The following TRABD2A variants were observed in gnomAD, a reference collection of about 807,000 sequenced individuals.
The protein encoded by TRABD2A is TraB domain containing 2A.
In TRABD2A, 43 loss-of-function variants were observed where a neutral mutation model predicts 45.6. That is an observed-to-expected ratio of 0.94 (90% confidence interval 0.74 to 1.22). The LOEUF (loss-of-function observed/expected upper bound fraction) is 1.22, where lower values mean the gene tolerates loss of function less well. Among genes scored for constraint, TRABD2A ranks in the 50% most tolerant of loss-of-function variants. The pLI is 0.00. For missense variants in TRABD2A, 642 were observed against 652.4 expected (o/e 0.98, Z 0.17); for synonymous variants, 269 against 265.0 (o/e 1.02, Z -0.15).
intron 4 of TRABD2A, chr2:84,838,326 T>C (rs1681588769): frequency 1.4e-6 from 1 of 709,630 alleles, no homozygotes; most frequent in Admixed American, 2.1e-5. Flanking sequence ...TTTTCTTAAA[T>C]AAACACTTCT....
chr2:84,821,825 G>A lies in TRABD2A; in HGVS notation c.*92C>T. 3.0e-6 allele frequency: 4 copies of A among 1,312,286 alleles called. No homozygotes were observed. Among genetic ancestry groups the A allele is most frequent in the Non-Finnish European group, 4.0e-6 (4 of 993,990 alleles). The allele number at this position is 1,312,286 out of a possible 1,614,324, so 81.3% of individuals were successfully genotyped here. ...TTTCAAGAGCAGTCTCTTCTGGATT[G>A]GGCCCAACAAGGCTAGACCAGAATG... On this transcript the variant is annotated 3_prime_UTR_variant, in exon 7 of 7. Coordinates refer to ENST00000409520, the MANE Select transcript of TRABD2A (RefSeq NM_001277053.2).
At chr2:84,864,604 T>C (rs1371426368) in intron 2 of TRABD2A, among the ~76,000 whole-genome samples, 1 of 152,082 alleles carries the variant, frequency 6.6e-6, no homozygotes, top group African/African-American at 2.4e-5. Context: ...CACCCTCTGC[T>C]TCCAGATGGG....
intron 2 of TRABD2A, among the ~76,000 whole-genome samples, chr2:84,864,579 G>C (rs140105724): frequency 6.6e-6 from 1 of 152,196 alleles, no homozygotes; most frequent in East Asian, 1.9e-4. Context: ...CTCTTGCTGT[G>C]ACCCCAGGCC....
At chr2:84,855,803 G>T (rs1445815954) in intron 2 of TRABD2A, among the ~76,000 whole-genome samples, 1 of 152,144 alleles carries the variant, frequency 6.6e-6, no homozygotes, top group Non-Finnish European at 1.5e-5. Context: ...CCAAGTCCCA[G>T]TTGGGGCATT....
chr2:84,846,167 T>C (rs1204724964), intron 2 of TRABD2A, among the ~76,000 whole-genome samples: 1 of 152,238 alleles, frequency 6.6e-6, no homozygotes, highest in African/African-American at 2.4e-5. Context: ...ACTCTTCTTT[T>C]AAGGAAGTTT....
chr2:84,881,082 A>G lies in TRABD2A; in HGVS notation c.-43T>C. The G allele has an allele frequency of 6.5e-7, 1 of 1,531,248 alleles. No individual in the cohort carries two copies. The highest frequency in any genetic ancestry group is 8.8e-7 in the Non-Finnish European group (1 of 1,140,016). 94.9% of individuals were successfully genotyped at this position (1,531,248 alleles called of 1,614,324 possible). A position where few individuals can be genotyped will look rare whatever the true frequency, so the allele number is the denominator to read the frequency against. On this transcript the variant is annotated 5_prime_UTR_variant, in exon 1 of 7. Coordinates refer to ENST00000409520, the MANE Select transcript of TRABD2A (RefSeq NM_001277053.2). ...CGAGGCCCGGAACGCGGAGGGAAGG[A>G]GTAGGGCAGAGGTGGCCGCCCGCCC...
At chr2:84,865,941 A>G (rs1354887118) in intron 2 of TRABD2A, among the ~76,000 whole-genome samples, 1 of 152,256 alleles carries the variant, frequency 6.6e-6, no homozygotes, top group Non-Finnish European at 1.5e-5. Context: ...AGCTGGCAGT[A>G]CCAAGCAGGC....
intron 2 of TRABD2A, among the ~76,000 whole-genome samples, chr2:84,863,237 A>ATTTTTTTTTTT (rs1559095739): frequency 2.3e-5 from 3 of 129,542 alleles, no homozygotes; most frequent in African/African-American, 6.5e-5. Context: ...CTTCATGTGA[A>ATTTTTTTTTTT]TCTTTTTTTT....
intron 5 of TRABD2A, among the ~76,000 whole-genome samples, chr2:84,825,654 C>T (rs1681125173): frequency 6.6e-6 from 1 of 152,172 alleles, no homozygotes; most frequent in African/African-American, 2.4e-5. Context: ...CATCATGGCT[C>T]TCTAGGATTC....
At chr2:84,858,416 T>G (rs1031910586) in intron 2 of TRABD2A, among the ~76,000 whole-genome samples, 1 of 152,334 alleles carries the variant, frequency 6.6e-6, no homozygotes, top group South Asian at 2.1e-4. Context: ...CCTGACTAAA[T>G]GCTAGCCTTC....
At chr2:84,827,456 C>G (rs1356288028) in intron 5 of TRABD2A, among the ~76,000 whole-genome samples, 1 of 152,210 alleles carries the variant, frequency 6.6e-6, no homozygotes, top group Non-Finnish European at 1.5e-5. Context: ...GCTGAGCACA[C>G]AGTAGATCCT....
rs892055048 is a variant in TRABD2A at position 84,831,187 on chromosome 2, G to A, written c.1082+868C>T. On this transcript the variant is annotated intron_variant, in intron 5 of 6. Coordinates refer to ENST00000409520, the MANE Select transcript of TRABD2A (RefSeq NM_001277053.2). ...AGTAGAAGAGAGGCCAGGGATGCTC[G>A]CTTACAGAAAAAAAAAATGCCATGT... 1.7e-4 allele frequency among the ~76,000 whole-genome samples: 25 copies of A among 143,962 alleles called. 1 individual carries two copies. In the Middle Eastern group the frequency reaches 0.011, roughly 65 times the overall value. 94.4% of individuals were successfully genotyped at this position (143,962 alleles called of 152,430 possible). A position where few individuals can be genotyped will look rare whatever the true frequency, so the allele number is the denominator to read the frequency against.
At chr2:84,859,384 A>T (rs1231023427) in intron 2 of TRABD2A, among the ~76,000 whole-genome samples, 1 of 152,240 alleles carries the variant, frequency 6.6e-6, no homozygotes, top group Non-Finnish European at 1.5e-5. Context: ...ATACCAAAAA[A>T]AAGTGGGGGT....
intron 2 of TRABD2A, among the ~76,000 whole-genome samples, chr2:84,859,466 T>C (rs932387962): frequency 1.3e-5 from 2 of 152,178 alleles, no homozygotes; most frequent in African/African-American, 4.8e-5. Flanking sequence ...GGAAAGTTAA[T>C]CACCAACAAA....
intron 2 of TRABD2A, among the ~76,000 whole-genome samples, chr2:84,868,344 C>A (rs1039125576): frequency 3.3e-5 from 5 of 151,540 alleles, no homozygotes; most frequent in African/African-American, 9.7e-5. Context: ...GGACAAAAAA[C>A]CAAACACCGC....
intron 2 of TRABD2A, among the ~76,000 whole-genome samples, chr2:84,856,294 G>T (rs13393404): frequency 6.6e-6 from 1 of 151,936 alleles, no homozygotes; most frequent in South Asian, 2.1e-4. Context: ...TTCTACCTTC[G>T]CAGCCACTCT....
At chr2:84,827,773 G>C (rs1305687094) in intron 5 of TRABD2A, among the ~76,000 whole-genome samples, 1 of 152,178 alleles carries the variant, frequency 6.6e-6, no homozygotes, top group African/African-American at 2.4e-5. Context: ...GTGGTCAGAG[G>C]GGGATATGAC....
intron 4 of TRABD2A, chr2:84,832,379 G>A: frequency 3.8e-6 from 2 of 527,922 alleles, no homozygotes; most frequent in East Asian, 3.1e-5. Context: ...GAACAATGCA[G>A]CAAGTTACCT....
intron 3 of TRABD2A, among the ~76,000 whole-genome samples, chr2:84,840,352 GC>G (rs908164646): frequency 9.9e-5 from 15 of 152,034 alleles, no homozygotes; most frequent in African/African-American, 2.7e-4. Flanking sequence ...CTTCAGCAGA[GC>G]CCCCCTCTCT....
Sources: gnomAD v4.1 joint callset for allele counts (sites outside exome capture counted in the v4.1 genomes callset) on GRCh38, gnomAD v4.1.1 for gene constraint, MANE v1.5 for transcripts, NCBI Gene and HGNC (gene_info 2026-07-23, HGNC 2026-07-21) for gene names.